STX8: variants seen among roughly 807,000 people sequenced by gnomAD.
The protein encoded by STX8 is syntaxin 8.
STX8 carries 23 observed loss-of-function variants against 37.5 expected under a neutral mutation model. That is an observed-to-expected ratio of 0.61 (90% CI 0.44 to 0.87). STX8 has a LOEUF of 0.87. Ranked by LOEUF, STX8 falls within the 40% of genes least tolerant of loss-of-function variation. The pLI is 0.00. For synonymous variants in STX8, 115 were observed against 99.1 expected (o/e 1.16, Z -0.95); for missense variants, 313 against 284.7 (o/e 1.10, Z -0.71).
At chr17:9,493,401 C>G (rs905555994) in intron 5 of STX8, among the ~76,000 whole-genome samples, 3 of 152,248 alleles carry the variant, frequency 2.0e-5, no homozygotes, top group Admixed American at 6.5e-5. Flanking sequence ...ACTGCAACTC[C>G]TTCAGTGCCT....
chr17:9,271,489 C>T (rs557022055), intron 7 of STX8, among the ~76,000 whole-genome samples: 12 of 150,780 alleles, frequency 8.0e-5, no homozygotes, highest in Admixed American at 2.6e-4. Flanking sequence ...TGGTGGCTCA[C>T]GCCTGTAATC....
chr17:9,454,439 G>T (rs1332650265), intron 6 of STX8, among the ~76,000 whole-genome samples: 1 of 152,092 alleles, frequency 6.6e-6, no homozygotes, highest in African/African-American at 2.4e-5. Context: ...AGCACTCTGG[G>T]AGGCCGAGGC....
intron 6 of STX8, among the ~76,000 whole-genome samples, chr17:9,396,683 C>T (rs1912415124): frequency 6.7e-6 from 1 of 149,698 alleles, no homozygotes; most frequent in Admixed American, 6.7e-5. Context: ...GCACTCCATC[C>T]AGCCTGGGCA....
At chr17:9,452,034 C>G (rs941713679) in intron 6 of STX8, among the ~76,000 whole-genome samples, 3 of 152,122 alleles carry the variant, frequency 2.0e-5, no homozygotes, top group Non-Finnish European at 4.4e-5. Flanking sequence ...CTACTGGAGT[C>G]AAATAATAAT....
chr17:9,492,862 A>G (rs1230503161), intron 5 of STX8, among the ~76,000 whole-genome samples: 4 of 152,110 alleles, frequency 2.6e-5, no homozygotes, highest in Non-Finnish European at 5.9e-5. Flanking sequence ...TTGAGAGGCC[A>G]AGGCGGGTGG....
intron 7 of STX8, among the ~76,000 whole-genome samples, chr17:9,254,130 TC>T (rs1471744895): frequency 6.6e-6 from 1 of 152,054 alleles, no homozygotes; most frequent in Admixed American, 6.5e-5. Flanking sequence ...GCCAAGGGGG[TC>T]TTGCACAGTC....
chr17:9,295,608 T>C (rs1297825588), intron 7 of STX8, among the ~76,000 whole-genome samples: 1 of 150,644 alleles, frequency 6.6e-6, no homozygotes, highest in African/African-American at 2.5e-5. Context: ...CTGGGCGTGG[T>C]GGCAGGTGCC....
intron 7 of STX8, among the ~76,000 whole-genome samples, chr17:9,324,920 T>C (rs947976110): frequency 6.6e-6 from 1 of 152,146 alleles, no homozygotes; most frequent in Admixed American, 6.5e-5. Flanking sequence ...GCAAAGGCAA[T>C]ATGCATTCAG....
intron 4 of STX8, 67 bp from the exon 5 acceptor site, chr17:9,505,229 A>C: frequency 6.4e-7 from 1 of 1,553,178 alleles, no homozygotes; most frequent in Non-Finnish European, 8.7e-7. Context: ...TTACTCCCAC[A>C]AGTGCAGAGG....
intron 5 of STX8, among the ~76,000 whole-genome samples, chr17:9,494,629 A>G (rs977309124): frequency 4.6e-5 from 7 of 150,846 alleles, no homozygotes; most frequent in African/African-American, 1.7e-4. Context: ...AAAAAAAAAA[A>G]AAAAAAAAAA....
At chr17:9,530,033 C>A (rs1215931244) in intron 4 of STX8, among the ~76,000 whole-genome samples, 1 of 152,072 alleles carries the variant, frequency 6.6e-6, no homozygotes, top group Non-Finnish European at 1.5e-5. Flanking sequence ...CTAGGCCGGG[C>A]GCAGTGGCTC....
intron 6 of STX8, among the ~76,000 whole-genome samples, chr17:9,452,749 T>C (rs1349370622): frequency 6.6e-6 from 1 of 151,998 alleles, no homozygotes; most frequent in Non-Finnish European, 1.5e-5. Flanking sequence ...GATTTTAAGA[T>C]TAAAAATCTA....
intron 4 of STX8, among the ~76,000 whole-genome samples, chr17:9,520,256 A>C (rs1402725955): frequency 6.6e-6 from 1 of 152,234 alleles, no homozygotes. Flanking sequence ...AGCAAAACTT[A>C]ATCAACTGCT....
intron 5 of STX8, among the ~76,000 whole-genome samples, chr17:9,493,415 C>T (rs1243521992): frequency 6.6e-6 from 1 of 152,182 alleles, no homozygotes; most frequent in East Asian, 1.9e-4. Context: ...AGTGCCTGGC[C>T]CCTTCAGTGC....
At chr17:9,557,000 T>C (rs1390173531) in intron 3 of STX8, 1 of 160,658 alleles carries the variant, frequency 6.2e-6, no homozygotes, top group Non-Finnish European at 1.4e-5. Flanking sequence ...GTATGGTTTC[T>C]ACTGGTATTG....
intron 6 of STX8, among the ~76,000 whole-genome samples, chr17:9,453,142 T>C (rs1239840699): frequency 6.6e-6 from 1 of 152,096 alleles, no homozygotes; most frequent in Non-Finnish European, 1.5e-5. Flanking sequence ...TCATCTTTAG[T>C]ACTCAGTATG....
At chr17:9,308,151 TCAAA>T (rs1243834695) in intron 7 of STX8, among the ~76,000 whole-genome samples, 7 of 152,202 alleles carry the variant, frequency 4.6e-5, no homozygotes, top group African/African-American at 7.2e-5. Flanking sequence ...AGAAATGTGA[TCAAA>T]CAAAGACGGT....
chr17:9,269,311 C>T (rs1402860601), intron 7 of STX8, among the ~76,000 whole-genome samples: 1 of 152,168 alleles, frequency 6.6e-6, no homozygotes, highest in East Asian at 1.9e-4. Context: ...ACACGTCCTT[C>T]TCCTCTCCCT....
At chr17:9,448,808 A>G (rs766459273) in intron 6 of STX8, among the ~76,000 whole-genome samples, 5 of 152,178 alleles carry the variant, frequency 3.3e-5, no homozygotes, top group African/African-American at 1.2e-4. Flanking sequence ...GAGCGCCACA[A>G]ATGAATGAGG....
Sources: allele counts gnomAD v4.1 joint callset (sites outside exome capture counted in the v4.1 genomes callset), GRCh38; gene constraint gnomAD v4.1.1; transcripts MANE v1.5; gene names NCBI Gene and HGNC (gene_info 2026-07-23, HGNC 2026-07-21).